The following BRD1 variants were observed in gnomAD, a reference collection of about 807,000 sequenced individuals.
The protein encoded by BRD1 is bromodomain-containing protein 1.
BRD1 carries 24 observed loss-of-function variants against 107.7 expected under a neutral mutation model. The observed-to-expected ratio is 0.22, with a 90% confidence interval of 0.16 to 0.31. The LOEUF is 0.31. Ranked by LOEUF, BRD1 falls within the 10% of genes least tolerant of loss-of-function variation. The pLI, the probability that BRD1 is intolerant of heterozygous loss-of-function variation, is 1.00. For missense variants in BRD1, 1,279 were observed against 1,638.6 expected (o/e 0.78, Z 3.79); for synonymous variants, 744 against 686.1 (o/e 1.08, Z -1.32).
chr22:49,790,822 C>G (rs1454522395), intron 7 of BRD1, among the ~76,000 whole-genome samples: 1 of 152,206 alleles, frequency 6.6e-6, no homozygotes, highest in African/African-American at 2.4e-5. Context: ...CCTTCCTTTC[C>G]TGAGGGCCAC....
At chr22:49,789,867 C>T (rs1015737023) in intron 7 of BRD1, among the ~76,000 whole-genome samples, 4 of 152,216 alleles carry the variant, frequency 2.6e-5, no homozygotes, top group Non-Finnish European at 5.9e-5. Flanking sequence ...ACACCTCCAG[C>T]TCTCGGCCCA....
chr22:49,790,879 A>G lies in BRD1; in HGVS notation c.2360-2992T>C, dbSNP rs967681152. Among the ~76,000 whole-genome samples, 11 of 152,274 alleles carry G rather than the reference A, an allele frequency of 7.2e-5. No homozygotes were observed. In the East Asian group the frequency reaches 1.7e-3, roughly 24 times the overall value. ...CCGTGCACGGCAGGGGGACTTCCAC[A>G]CGTGCACTTCAAGGGACCACAGCTG... On this transcript the variant is annotated intron_variant, in intron 7 of 12. Coordinates refer to ENST00000404760, the MANE Select transcript of BRD1 (RefSeq NM_001304808.3).
In BRD1 at chr22:49,792,128, T is replaced by C. The variant is rs1031763712; in HGVS notation, c.2359+1906A>G. On this transcript the variant is annotated intron_variant, in intron 7 of 12. Coordinates refer to ENST00000404760, the MANE Select transcript of BRD1 (RefSeq NM_001304808.3). The surrounding 1 kb of genome is among the most constrained non-coding windows in gnomAD (Gnocchi z 4.2). ...CCTCAGTCCTGTGACCCAATAACCG[T>C]GCGGGGTCCTCAGCCCTGTGACCCA... is the stretch of plus-strand genomic sequence containing the variant. Among the ~76,000 whole-genome samples the C allele has an allele frequency of 6.6e-6, 1 of 151,406 alleles. No homozygotes were observed. Among genetic ancestry groups the C allele is most frequent in the East Asian group, 1.9e-4 (1 of 5,166 alleles).
intron 2 of BRD1, among the ~76,000 whole-genome samples, chr22:49,808,549 G>A (rs1453561386): frequency 6.6e-6 from 1 of 152,176 alleles, no homozygotes; most frequent in African/African-American, 2.4e-5. Context: ...CTGTTTAACT[G>A]GGACAGAGTT....
chr22:49,780,253 A>G (rs909998227), intron 8 of BRD1, among the ~76,000 whole-genome samples: 4 of 152,250 alleles, frequency 2.6e-5, no homozygotes, highest in African/African-American at 9.6e-5. Flanking sequence ...GAGTGGGGCC[A>G]GGAAGGGGAT....
At position 49,824,382 on chromosome 22, in the gene BRD1, T is replaced by A. The variant is rs184074017; in HGVS notation, c.-14-51A>T. 4.9e-5 allele frequency: 78 copies of A among 1,582,528 alleles called. No homozygotes were observed. In the African/African-American group the frequency reaches 6.8e-4, roughly 14 times the overall value. ...AATTCTACGCAGGGTGACCAAAGAC[T>A]CGAGAAAACCACAAAAGCATGCTTG... On this transcript the variant is annotated intron_variant, in intron 1 of 12. Transcript: ENST00000404760. The surrounding 1 kb of genome is among the most constrained non-coding windows in gnomAD (Gnocchi z 5.9).
chr22:49,797,312 C>A (rs984692534), intron 6 of BRD1, among the ~76,000 whole-genome samples: 1 of 152,226 alleles, frequency 6.6e-6, no homozygotes, highest in Non-Finnish European at 1.5e-5. Flanking sequence ...GGGCTGGAGG[C>A]AAAGCCAGAG....
At chr22:49,806,466 G>T (rs1039401454) in intron 2 of BRD1, 1 of 152,266 alleles carries the variant, frequency 6.6e-6, no homozygotes, top group Non-Finnish European at 1.5e-5. Context: ...GTGAGGAAGA[G>T]CATGGAAGAG....
Position 49,787,664 on chromosome 22 carries a change from A to G in BRD1, c.2583T>C (p.Asp861=), listed in dbSNP as rs1246614007. Residue 861 remains aspartate, a synonymous_variant, in exon 8 of 13, where the codon GAT becomes GAC. Coordinates refer to ENST00000404760, the MANE Select transcript of BRD1 (RefSeq NM_001304808.3). The part of the protein sequence containing the change: ...PPEPTRASSG[D]VPAAAASAVA... ...CCGCGGAGGCCGCCGCCGCCGGCACATCGCCACTACTGGCGCGGGTGGGCT... is the reference window on the plus strand; with the variant it reads ...CCGCGGAGGCCGCCGCCGCCGGCACGTCGCCACTACTGGCGCGGGTGGGCT... The G allele has an allele frequency of 3.2e-6, 5 of 1,550,606 alleles. No individual in the cohort carries two copies. The highest frequency in any genetic ancestry group is 4.4e-6 in the Non-Finnish European group (5 of 1,146,958).
rs1332999654 is a variant in BRD1 at position 49,787,829 on chromosome 22, C to T, written c.2418G>A (p.Ser806=). ...GGGTTGGTGGTTCTGAATTAGTCTC[C>T]GAGTTTGAAGGAAGAGGTAATGCAT... The part of the protein sequence containing the change: ...PSDALPLPSN[S]ETNSEPPTLK... Residue 806 remains serine (S), a synonymous_variant, in exon 8 of 13, where the codon TCG becomes TCA. Coordinates refer to ENST00000404760, the MANE Select transcript of BRD1 (RefSeq NM_001304808.3). 1 of 1,550,468 alleles carries T rather than the reference C, an allele frequency of 6.4e-7. No homozygotes were observed.
intron 2 of BRD1, among the ~76,000 whole-genome samples, chr22:49,810,528 A>G (rs2059830358): frequency 6.6e-6 from 1 of 152,360 alleles, no homozygotes; most frequent in Admixed American, 6.5e-5. Context: ...ACACTGAATA[A>G]AACAATAAGA....
At position 49,799,030 on chromosome 22, in the gene BRD1, C is replaced by T. The variant is rs536081338; in HGVS notation, c.1614G>A (p.Leu538=). The T allele has an allele frequency of 8.6e-5, 138 of 1,611,434 alleles. No homozygotes were observed. Among genetic ancestry groups the T allele is most frequent in the Non-Finnish European group, 1.1e-4 (135 of 1,179,822 alleles). ...TCTCCCGCTTGCGCAGCAGCTCGAT[C>T]AGCAGGCGAGCGCGCTCCAGGTCGT... is the stretch of plus-strand genomic sequence containing the variant. ...LRHDLERARL[L]IELLRKREKL... The change falls in exon 4 of 13, where the codon CTG becomes CTA. Residue 538 remains leucine (L), a synonymous_variant. Transcript: ENST00000404760.
intron 2 of BRD1, among the ~76,000 whole-genome samples, chr22:49,812,829 G>T (rs1310601851): frequency 2.6e-5 from 4 of 151,138 alleles, no homozygotes; most frequent in Non-Finnish European, 5.9e-5. Context: ...GACGCACCAA[G>T]GACCTCACAC....
intron 6 of BRD1, among the ~76,000 whole-genome samples, chr22:49,797,149 C>T (rs2059550336): frequency 6.6e-6 from 1 of 152,210 alleles, no homozygotes; most frequent in South Asian, 2.1e-4. Context: ...CCCCGGTTTC[C>T]GAGGACCAGT....
intron 3 of BRD1, among the ~76,000 whole-genome samples, chr22:49,801,558 A>G (rs1045321134): frequency 3.9e-5 from 6 of 152,228 alleles, no homozygotes; most frequent in Non-Finnish European, 8.8e-5. Flanking sequence ...CCGTTCACAC[A>G]GAGGCAGGTT....
intron 2 of BRD1, among the ~76,000 whole-genome samples, chr22:49,815,500 G>A (rs1190422202): frequency 1.3e-5 from 2 of 151,480 alleles, no homozygotes; most frequent in South Asian, 2.1e-4. Flanking sequence ...CGTAGATCAC[G>A]CCACTGCACT....
Position 49,819,522 on chromosome 22 carries a change from G to A in BRD1, c.1367+3429C>T, listed in dbSNP as rs191111074. Among the ~76,000 whole-genome samples the A allele has an allele frequency of 1.8e-3, 268 of 152,110 alleles. 1 individual carries two copies. The highest frequency in any genetic ancestry group is 7.3e-3 in the South Asian group (35 of 4,802). On this transcript the variant is annotated intron_variant, in intron 2 of 12. Transcript: ENST00000404760. ...GAGCCATAACCATGCCACTGCACCCGTCTGAGCAGAAGAGCAGGACTCTGT... is the reference window on the plus strand; with the variant it reads ...GAGCCATAACCATGCCACTGCACCCATCTGAGCAGAAGAGCAGGACTCTGT...
At position 49,782,844 on chromosome 22, in the gene BRD1, G is replaced by A. The variant is rs1029988723; in HGVS notation, c.2857+4546C>T. Among the ~76,000 whole-genome samples the A allele has an allele frequency of 5.7e-5, 8 of 139,946 alleles. No homozygotes were observed. The East Asian group carries it at 6.3e-4, about 11-fold the overall frequency. 91.8% of individuals were successfully genotyped at this position (139,946 alleles called of 152,430 possible). A position where few individuals can be genotyped will look rare whatever the true frequency, so the allele number is the denominator to read the frequency against. On this transcript the variant is annotated intron_variant, in intron 8 of 12. Transcript: ENST00000404760. ...GTCAGAGACAGACCCAAGGCCCATC[G>A]TGCTGGGACCCGCTCCGCGACAATG... is the stretch of plus-strand genomic sequence containing the variant.
chr22:49,827,106 CGGCCCGGCCGGCTCGGCGGCTGCCCGA>C (rs1223159600), intron 1 of BRD1, among the ~76,000 whole-genome samples: 3 of 151,818 alleles, frequency 2.0e-5, no homozygotes, highest in African/African-American at 7.2e-5. Context: ...ACATAAGGGG[CGGCCCGGCCGGCTCGGCGGCTGCCCGA>C]GGCCCGACCC....
Sources: gnomAD v4.1 joint callset for allele counts (sites outside exome capture counted in the v4.1 genomes callset) on GRCh38, gnomAD v4.1.1 for gene constraint, Gnocchi (gnomAD v3.1) non-coding constraint, MANE v1.5 for transcripts, NCBI Gene and HGNC (gene_info 2026-07-23, HGNC 2026-07-21) for gene names.